Variants in CDH2 observed in about 807,000 individuals in gnomAD.
CDH2 encodes cadherin 2, also known as cadherin-2.
In CDH2, 17 loss-of-function variants were observed where a neutral mutation model predicts 92.0. The observed-to-expected ratio is 0.18, with a 90% CI of 0.13 to 0.28. The LOEUF is 0.28. Ranked by LOEUF, CDH2 falls within the 10% of genes least tolerant of loss-of-function variation. The pLI is 1.00. For synonymous variants in CDH2, 419 were observed against 415.9 expected, an observed-to-expected ratio of 1.01 and a Z score of -0.09; for missense variants, 862 against 1,133.1, an observed-to-expected ratio of 0.76 and a Z score of 3.44.
chr18:28,046,589 T>G (rs995462173), intron 2 of CDH2, among the ~76,000 whole-genome samples: 2 of 152,140 alleles, frequency 1.3e-5, no homozygotes, highest in Admixed American at 1.3e-4. Context: ...CTGAGAAAAA[T>G]GCTCTGCAAA....
rs566439606 is a variant in CDH2, at chr18:27,976,050, A to C, written c.2349+6894T>G. ...GGCAGGCCATAGGTAGTTTTGGAAA[A>C]GGTAACATTTGATTGGTAAAAAGAC... is the stretch of plus-strand genomic sequence containing the variant. On this transcript the variant is annotated intron_variant, in intron 14 of 15. Coordinates refer to ENST00000269141, the MANE Select transcript of CDH2 (RefSeq NM_001792.5). 3.3e-5 allele frequency among the ~76,000 whole-genome samples: 5 copies of C among 152,250 alleles called. No individual in the cohort carries two copies. In the East Asian group the frequency reaches 9.7e-4, roughly 30 times the overall value.
intron 1 of CDH2, among the ~76,000 whole-genome samples, chr18:28,169,305 G>A (rs1307923208): frequency 2.0e-5 from 3 of 152,010 alleles, no homozygotes; most frequent in Non-Finnish European, 4.4e-5. Flanking sequence ...AACTAAAAGG[G>A]CAATCCTTAC....
At chr18:27,958,463 CTT>C (rs538093835) in intron 15 of CDH2, among the ~76,000 whole-genome samples, 55 of 149,918 alleles carry the variant, frequency 3.7e-4, no homozygotes, top group African/African-American at 1.3e-3. Context: ...ATAAAAATCT[CTT>C]TATATATGTA....
chr18:28,092,889 C>A (rs933232638), intron 2 of CDH2, among the ~76,000 whole-genome samples: 2 of 152,102 alleles, frequency 1.3e-5, no homozygotes, highest in Non-Finnish European at 2.9e-5. Flanking sequence ...AATATTCCAG[C>A]CTATGCCACC....
intron 7 of CDH2, among the ~76,000 whole-genome samples, chr18:28,000,440 T>A (rs780646167): frequency 1.3e-5 from 2 of 152,154 alleles, no homozygotes; most frequent in Non-Finnish European, 2.9e-5. Flanking sequence ...TTCTTAAAAC[T>A]GTCCCATGAG....
intron 15 of CDH2, among the ~76,000 whole-genome samples, chr18:27,955,212 T>G (rs1598984770): frequency 1.3e-5 from 2 of 151,628 alleles, no homozygotes; most frequent in East Asian, 3.9e-4. Flanking sequence ...AAACTGGAAA[T>G]ATGGAGAGGT....
intron 2 of CDH2, among the ~76,000 whole-genome samples, chr18:28,132,431 T>C (rs927676772): frequency 1.3e-5 from 2 of 152,156 alleles, no homozygotes; most frequent in African/African-American, 4.8e-5. Context: ...TTGAGATTAC[T>C]GGCTTCCCTT....
intron 7 of CDH2, among the ~76,000 whole-genome samples, chr18:28,001,552 A>G (rs1177544741): frequency 6.6e-6 from 1 of 152,230 alleles, no homozygotes; most frequent in Non-Finnish European, 1.5e-5. Context: ...GCATATAAAA[A>G]TAGTATTTCA....
At chr18:28,171,706 AGG>A (rs2016467038) in intron 1 of CDH2, among the ~76,000 whole-genome samples, 1 of 152,186 alleles carries the variant, frequency 6.6e-6, no homozygotes, top group Non-Finnish European at 1.5e-5. Flanking sequence ...ACCTTCGAAA[AGG>A]AGATGTGTTT....
intron 1 of CDH2, among the ~76,000 whole-genome samples, chr18:28,155,478 A>T (rs2016193913): frequency 6.6e-6 from 1 of 152,200 alleles, no homozygotes. Context: ...GGAATACCGT[A>T]AAGAAATCAA....
At chr18:28,003,283 T>C (rs1418594770) in intron 6 of CDH2, 114 bp from the exon 7 acceptor site, 2 of 724,430 alleles carry the variant, frequency 2.8e-6, no homozygotes, top group Non-Finnish European at 4.4e-6. Context: ...AAAACAAATA[T>C]TTAAAGTCAT....
chr18:28,175,327 G>A (rs2016521328), intron 1 of CDH2, among the ~76,000 whole-genome samples: 1 of 152,198 alleles, frequency 6.6e-6, no homozygotes, highest in Non-Finnish European at 1.5e-5. Context: ...CGGATGGCGA[G>A]TGGGGGAAGG....
intron 2 of CDH2, chr18:28,036,569 C>T (rs940314602): frequency 1.9e-6 from 3 of 1,568,800 alleles, no homozygotes; most frequent in Non-Finnish European, 1.7e-6. Context: ...TTCCATTTCC[C>T]ATAATTCCTT....
intron 2 of CDH2, among the ~76,000 whole-genome samples, chr18:28,042,467 G>T (rs951746977): frequency 1.3e-5 from 2 of 152,090 alleles, no homozygotes; most frequent in African/African-American, 4.8e-5. Flanking sequence ...TACAAATCTT[G>T]AAGTTTGATA....
rs1413283606 is a variant in CDH2, at chr18:28,177,050, C to G, written c.-28G>C. On this transcript the variant is annotated 5_prime_UTR_variant, in exon 1 of 16. Transcript: ENST00000269141. ...AGGCGGAGAGGGGCCGAGCGAAGAG[C>G]CGGAGGAGGCGGCGGCGGCGGCGGC... The G allele has an allele frequency of 7.6e-6, 11 of 1,452,292 alleles. No individual in the cohort carries two copies. Among genetic ancestry groups the G allele is most frequent in the South Asian group, 5.1e-5 (4 of 77,828 alleles). The allele number at this position is 1,452,292 out of a possible 1,614,324, so 90.0% of individuals were successfully genotyped here.
chr18:28,139,943 G>A (rs1291996649), intron 2 of CDH2, among the ~76,000 whole-genome samples: 1 of 151,842 alleles, frequency 6.6e-6, no homozygotes, highest in Non-Finnish European at 1.5e-5. Flanking sequence ...TGACATCTCT[G>A]ATCTTCATCT....
intron 1 of CDH2, among the ~76,000 whole-genome samples, chr18:28,154,335 T>G (rs561132225): frequency 6.6e-6 from 1 of 152,326 alleles, no homozygotes; most frequent in Non-Finnish European, 1.5e-5. Context: ...ACAAGCCCTC[T>G]CGGCCCACCA....
At chr18:27,960,760 C>T (rs181124103) in intron 15 of CDH2, among the ~76,000 whole-genome samples, 1 of 152,246 alleles carries the variant, frequency 6.6e-6, no homozygotes, top group African/African-American at 2.4e-5. Flanking sequence ...TTCACATATG[C>T]AGATAATCTT....
intron 2 of CDH2, among the ~76,000 whole-genome samples, chr18:28,078,966 C>G (rs748242244): frequency 2.2e-4 from 34 of 152,126 alleles, no homozygotes; most frequent in Middle Eastern, 3.2e-3. Context: ...AGCCTACTTT[C>G]AACTGTCATT....
Sources: allele counts gnomAD v4.1 joint callset (sites outside exome capture counted in the v4.1 genomes callset), GRCh38; gene constraint gnomAD v4.1.1; transcripts MANE v1.5; gene names NCBI Gene and HGNC (gene_info 2026-07-23, HGNC 2026-07-21).